The following GALNT13 variants were observed in gnomAD, a reference collection of about 807,000 sequenced individuals.
The protein encoded by GALNT13 is polypeptide N-acetylgalactosaminyltransferase 13.
Under a neutral mutation model 64.2 loss-of-function variants are expected in GALNT13, and 28 were observed. That is an observed-to-expected ratio of 0.44 (90% confidence interval 0.32 to 0.60). GALNT13 has a LOEUF of 0.60. Ranked by LOEUF, GALNT13 falls within the 20% of genes least tolerant of loss-of-function variation. The pLI, the probability that GALNT13 is intolerant of heterozygous loss-of-function variation, is 0.05. For missense variants in GALNT13, 577 were observed against 669.8 expected, an observed-to-expected ratio of 0.86 and a Z score of 1.53; for synonymous variants, 214 against 224.6, an observed-to-expected ratio of 0.95 and a Z score of 0.42.
At chr2:153,376,947 G>T in the GALNT13 span, among the ~76,000 whole-genome samples, 1 of 152,046 alleles carries the variant, frequency 6.6e-6, no homozygotes, top group African/African-American at 2.4e-5. Flanking sequence ...CAAAAAGCAA[G>T]GTGACTATTA....
At chr2:154,017,446 A>C (rs1015149578) in intron 3 of GALNT13, among the ~76,000 whole-genome samples, 1 of 152,186 alleles carries the variant, frequency 6.6e-6, no homozygotes, top group Non-Finnish European at 1.5e-5. Flanking sequence ...TTAAAATGTA[A>C]AATGAAGACT....
At chr2:153,992,052 G>A (rs2105191607) in intron 3 of GALNT13, among the ~76,000 whole-genome samples, 1 of 152,250 alleles carries the variant, frequency 6.6e-6, no homozygotes, top group African/African-American at 2.4e-5. Flanking sequence ...CCCTTTTAAA[G>A]GGGAAATAAA....
chr2:153,802,463 T>C, the GALNT13 span, among the ~76,000 whole-genome samples: 3 of 152,334 alleles, frequency 2.0e-5, no homozygotes, highest in South Asian at 6.2e-4. Context: ...CTTTTCCATT[T>C]TCTCTGTTAT....
At chr2:154,214,313 C>T (rs1687929996) in intron 4 of GALNT13, among the ~76,000 whole-genome samples, 2 of 152,098 alleles carry the variant, frequency 1.3e-5, no homozygotes, top group Admixed American at 1.3e-4. Context: ...TCCTTGGTTT[C>T]CACCCTCATT....
the GALNT13 span, among the ~76,000 whole-genome samples, chr2:153,080,178 A>G: frequency 2.9e-4 from 44 of 152,136 alleles, no homozygotes; most frequent in Non-Finnish European, 1.5e-4. Flanking sequence ...TTTTCAAAGA[A>G]ATAGCTTTTA....
chr2:154,341,983 T>G, intron 9 of GALNT13, among the ~76,000 whole-genome samples: 1 of 152,076 alleles, frequency 6.6e-6, no homozygotes, highest in Middle Eastern at 3.4e-3. Flanking sequence ...TGACTCAAAG[T>G]TTTGAGCCTG....
intron 4 of GALNT13, among the ~76,000 whole-genome samples, chr2:154,180,319 TTATTA>T: frequency 6.6e-6 from 1 of 152,056 alleles, no homozygotes; most frequent in Non-Finnish European, 1.5e-5. Context: ...TTTTGTTATT[TTATTA>T]TATTTACTTT....
intron 10 of GALNT13, among the ~76,000 whole-genome samples, chr2:154,396,530 A>G (rs1461500385): frequency 6.6e-6 from 1 of 152,208 alleles, no homozygotes. Context: ...ATGTTAATGT[A>G]AGTAACATAT....
At chr2:153,813,988 T>A in the GALNT13 span, among the ~76,000 whole-genome samples, 6 of 152,330 alleles carry the variant, frequency 3.9e-5, no homozygotes, top group Middle Eastern at 3.4e-3. Context: ...TAGTGTCTTA[T>A]CCTTCAAGCT....
the GALNT13 span, among the ~76,000 whole-genome samples, chr2:153,378,467 G>C: frequency 6.6e-6 from 1 of 152,066 alleles, no homozygotes; most frequent in African/African-American, 2.4e-5. Context: ...GCTATGATTT[G>C]ATTGGATCTT....
chr2:154,121,718 CATTT>C (rs1274667499), intron 3 of GALNT13, among the ~76,000 whole-genome samples: 1 of 150,426 alleles, frequency 6.6e-6, no homozygotes, highest in African/African-American at 2.4e-5. Context: ...TTGCTATAGT[CATTT>C]ATTGGTTTCG....
At chr2:153,076,239 T>TGTCTGCTTGC in the GALNT13 span, among the ~76,000 whole-genome samples, 1 of 152,142 alleles carries the variant, frequency 6.6e-6, no homozygotes, top group Admixed American at 6.6e-5. Flanking sequence ...TAAGTGAGAG[T>TGTCTGCTTGC]GTCTGCTTGC....
At chr2:153,772,971 C>T in the GALNT13 span, among the ~76,000 whole-genome samples, 21 of 152,158 alleles carry the variant, frequency 1.4e-4, 1 homozygote, top group Admixed American at 1.3e-3. Flanking sequence ...CTGAGCTCTG[C>T]AATTGAAGAG....
At chr2:153,924,233 C>G (rs940892812) in intron 2 of GALNT13, among the ~76,000 whole-genome samples, 1 of 147,680 alleles carries the variant, frequency 6.8e-6, no homozygotes, top group African/African-American at 2.5e-5. Flanking sequence ...TCAGATAGTC[C>G]CTGGTGTATC....
chr2:153,359,630 CAAAAAAAAAAAAAAA>C, the GALNT13 span, among the ~76,000 whole-genome samples: 18 of 38,240 alleles, frequency 4.7e-4, no homozygotes, highest in Admixed American at 1.0e-3. Context: ...CAGCTTTCAG[CAAAAAAAAAAAAAAA>C]AAAAAAAAAA....
chr2:153,451,291 C>T, the GALNT13 span, among the ~76,000 whole-genome samples: 1 of 152,078 alleles, frequency 6.6e-6, no homozygotes. Flanking sequence ...TTAGCTTTAG[C>T]CTGTTTTCAG....
At chr2:153,475,735 C>G in the GALNT13 span, among the ~76,000 whole-genome samples, 1 of 152,088 alleles carries the variant, frequency 6.6e-6, no homozygotes. Context: ...TATCCCAAAT[C>G]GAATTCTACC....
At chr2:154,314,447 G>T (rs1008457089) in intron 9 of GALNT13, among the ~76,000 whole-genome samples, 1 of 152,222 alleles carries the variant, frequency 6.6e-6, no homozygotes, top group East Asian at 1.9e-4. Context: ...CATTGTCTTA[G>T]TCTGATTGTG....
chr2:153,503,341 T>G, the GALNT13 span, among the ~76,000 whole-genome samples: 2 of 152,228 alleles, frequency 1.3e-5, no homozygotes, highest in Non-Finnish European at 2.9e-5. Context: ...AGGGTGCCCT[T>G]TCCCCACTTA....
Sources: allele counts gnomAD v4.1 joint callset (sites outside exome capture counted in the v4.1 genomes callset), GRCh38; gene constraint gnomAD v4.1.1; transcripts MANE v1.5; gene names NCBI Gene and HGNC (gene_info 2026-07-23, HGNC 2026-07-21).